The following CHMP3 variants were observed in gnomAD, a reference collection of about 807,000 sequenced individuals.
The protein encoded by CHMP3 is 25.1 protein.
Under a neutral mutation model 27.4 loss-of-function variants are expected in CHMP3, and 8 were observed. The ratio of observed to expected loss-of-function variants is 0.29; its 90% confidence interval spans 0.17 to 0.53. CHMP3 has a LOEUF of 0.53. CHMP3 is among the 20% of genes least tolerant of loss of function. CHMP3 has a pLI of 0.96. For missense variants in CHMP3, 208 were observed against 271.5 expected (o/e 0.77, Z 1.64); for synonymous variants, 86 against 85.5 (o/e 1.01, Z -0.03).
intron 3 of CHMP3, among the ~76,000 whole-genome samples, chr2:86,526,648 T>C (rs937292254): frequency 6.6e-6 from 1 of 151,976 alleles, no homozygotes; most frequent in Non-Finnish European, 1.5e-5. Flanking sequence ...TTCAAATCAA[T>C]GGACTAGAGC....
At chr2:86,532,524 G>A (rs1308267777) in intron 2 of CHMP3, among the ~76,000 whole-genome samples, 1 of 152,184 alleles carries the variant, frequency 6.6e-6, no homozygotes, top group South Asian at 2.1e-4. Context: ...GATCTTAGAC[G>A]AAAAGCTTTT....
chr2:86,549,001 C>T lies in CHMP3; in HGVS notation c.46-6689G>A, dbSNP rs1343406236. Among the ~76,000 whole-genome samples, 28 of 146,016 alleles carry T rather than the reference C, an allele frequency of 1.9e-4. 1 individual carries two copies. Among genetic ancestry groups the T allele is most frequent in the African/African-American group, 6.2e-4 (24 of 38,948 alleles). On this transcript the variant is annotated intron_variant, in intron 1 of 5. Coordinates refer to ENST00000263856, the MANE Select transcript of CHMP3 (RefSeq NM_016079.4). Reference sequence around the variant, plus strand: ...GGCGCTCCTAGCCTCCCAGATGGGGCGGCCAGGCAGAGGCGCTCCCCACCT... The same window carrying T: ...GGCGCTCCTAGCCTCCCAGATGGGGTGGCCAGGCAGAGGCGCTCCCCACCT...
intron 5 of CHMP3, among the ~76,000 whole-genome samples, chr2:86,506,626 C>CTT (rs973270185): frequency 0.011 from 1,410 of 131,290 alleles, 12 homozygotes; most frequent in Non-Finnish European, 0.018. Context: ...TGTTTCGAAC[C>CTT]TTTTTTTTTT....
chr2:86,504,742 C>G lies in CHMP3; in HGVS notation c.*1062G>C, dbSNP rs1273922829. On this transcript the variant is annotated 3_prime_UTR_variant, in exon 6 of 6. Transcript: ENST00000263856. ...AACAATCTGTGAGACAGTGGCTGGG[C>G]TTTTTTCCTGCCTGATTAGTTCAGT... The G allele has an allele frequency of 6.6e-6, 1 of 152,020 alleles. No individual in the cohort carries two copies. The highest frequency in any genetic ancestry group is 1.5e-5 in the Non-Finnish European group (1 of 68,008). The allele number at this position is 152,020 out of a possible 1,614,324, so 9.4% of individuals were successfully genotyped here. A position where few individuals can be genotyped will look rare whatever the true frequency, so the allele number is the denominator to read the frequency against.
chr2:86,545,348 C>T (rs1488172117), intron 1 of CHMP3, among the ~76,000 whole-genome samples: 1 of 112,686 alleles, frequency 8.9e-6, no homozygotes, highest in Non-Finnish European at 1.8e-5. Flanking sequence ...GGACGAAGGG[C>T]GGCCGGGCAG....
At chr2:86,546,441 T>C (rs1006985742) in intron 1 of CHMP3, among the ~76,000 whole-genome samples, 1 of 133,482 alleles carries the variant, frequency 7.5e-6, no homozygotes, top group African/African-American at 2.8e-5. Flanking sequence ...AGTTGGACTT[T>C]TTTTTTTTTT....
chr2:86,550,144 G>A (rs906941885), intron 1 of CHMP3, among the ~76,000 whole-genome samples: 7 of 152,218 alleles, frequency 4.6e-5, no homozygotes, highest in Admixed American at 6.5e-5. Flanking sequence ...GGGAGGCCAC[G>A]ACGGGCAGAC....
At chr2:86,549,897 G>C (rs1676829090) in intron 1 of CHMP3, among the ~76,000 whole-genome samples, 2 of 151,880 alleles carry the variant, frequency 1.3e-5, no homozygotes, top group Non-Finnish European at 2.9e-5. Context: ...TCCCAGACGG[G>C]GCGGCCGGGC....
rs370221238 is a variant in CHMP3, at chr2:86,542,350, C to A, written c.46-38G>T. ...TTAGAAAAGGAATGAGGAGAAAAGC[C>A]GAAACTCCTAACTCAATCTAATTTA... On this transcript the variant is annotated intron_variant, in intron 1 of 5. Transcript: ENST00000263856. 42 of 1,581,806 alleles carry A rather than the reference C, an allele frequency of 2.7e-5. No individual in the cohort carries two copies. The Admixed American group carries it at 6.2e-4, about 23-fold the overall frequency.
chr2:86,524,006 T>C (rs145014228), intron 3 of CHMP3, among the ~76,000 whole-genome samples: 3 of 152,162 alleles, frequency 2.0e-5, no homozygotes, highest in South Asian at 4.1e-4. Flanking sequence ...ATCATGATAA[T>C]GATGATAATA....
At chr2:86,532,631 T>A (rs1342729330) in intron 2 of CHMP3, among the ~76,000 whole-genome samples, 1 of 152,200 alleles carries the variant, frequency 6.6e-6, no homozygotes, top group Non-Finnish European at 1.5e-5. Flanking sequence ...GTTGTTGTTT[T>A]TAGCATGAAA....
At chr2:86,516,752 G>A (rs1282776440) in intron 3 of CHMP3, among the ~76,000 whole-genome samples, 1 of 152,170 alleles carries the variant, frequency 6.6e-6, no homozygotes. Flanking sequence ...GAAGTATGCT[G>A]AGTGAAAAAA....
intron 3 of CHMP3, 63 bp downstream of exon 3, chr2:86,529,155 C>A: frequency 2.8e-6 from 4 of 1,422,574 alleles, no homozygotes; most frequent in Non-Finnish European, 2.8e-6. Flanking sequence ...TTCAAGGAAC[C>A]CGTGTTGATA....
intron 1 of CHMP3, among the ~76,000 whole-genome samples, chr2:86,561,328 T>C (rs144782820): frequency 1.4e-3 from 220 of 152,308 alleles, no homozygotes; most frequent in African/African-American, 4.8e-3. Flanking sequence ...CCTCATAACA[T>C]TGCAGAGTGC....
chr2:86,554,380 A>G (rs558079542), intron 1 of CHMP3, among the ~76,000 whole-genome samples: 1 of 152,218 alleles, frequency 6.6e-6, no homozygotes, highest in Non-Finnish European at 1.5e-5. Context: ...TTCTATTTCA[A>G]GAAGAAATTA....
intron 1 of CHMP3, among the ~76,000 whole-genome samples, chr2:86,549,884 G>A (rs377241362): frequency 8.2e-5 from 11 of 134,488 alleles, no homozygotes; most frequent in Non-Finnish European, 1.6e-4. Flanking sequence ...GGCGCTCCTC[G>A]CCTCCCAGAC....
At chr2:86,520,911 T>C (rs548334156) in intron 3 of CHMP3, among the ~76,000 whole-genome samples, 2 of 152,320 alleles carry the variant, frequency 1.3e-5, no homozygotes, top group South Asian at 4.1e-4. Context: ...TCCAGATGGC[T>C]TGAAGTAACT....
intron 1 of CHMP3, among the ~76,000 whole-genome samples, chr2:86,543,232 A>C (rs1573285100): frequency 6.6e-6 from 1 of 152,230 alleles, no homozygotes; most frequent in African/African-American, 2.4e-5. Context: ...AGTCCATACC[A>C]TTAGAAGATG....
In CHMP3 at chr2:86,544,132, T is replaced by C. The variant is rs192693318; in HGVS notation, c.46-1820A>G. Among the ~76,000 whole-genome samples, 238 of 152,354 alleles carry C rather than the reference T, an allele frequency of 1.6e-3. 1 individual carries two copies. The highest frequency in any genetic ancestry group is 5.5e-3 in the African/African-American group (228 of 41,596). On this transcript the variant is annotated intron_variant, in intron 1 of 5. Coordinates refer to ENST00000263856, the MANE Select transcript of CHMP3 (RefSeq NM_016079.4). ...CCATGTTGTAGCCTGTATCAGTACT[T>C]CAGTCCTTTTTATGGCTGGAAATTA...
Sources: allele counts gnomAD v4.1 joint callset (sites outside exome capture counted in the v4.1 genomes callset), GRCh38; gene constraint gnomAD v4.1.1; transcripts MANE v1.5; gene names NCBI Gene and HGNC (gene_info 2026-07-23, HGNC 2026-07-21).